The following DSE variants were observed in gnomAD, a reference collection of about 807,000 sequenced individuals.
The protein encoded by DSE is dermatan sulfate epimerase, also known as dermatan-sulfate epimerase.
A neutral mutation model predicts 84.4 loss-of-function variants in DSE; 36 were observed. That is an observed-to-expected ratio of 0.43 (90% CI 0.33 to 0.56). The LOEUF (loss-of-function observed/expected upper bound fraction) is 0.56, where lower values mean the gene tolerates loss of function less well. DSE is among the 20% of genes least tolerant of loss of function. The pLI, the probability that DSE is intolerant of heterozygous loss-of-function variation, is 0.06. For synonymous variants in DSE, 410 were observed against 430.1 expected, an observed-to-expected ratio of 0.95 and a Z score of 0.58; for missense variants, 862 against 1,169.6, an observed-to-expected ratio of 0.74 and a Z score of 3.84.
intron 2 of DSE, among the ~76,000 whole-genome samples, chr6:116,320,619 G>A (rs1019123510): frequency 8.6e-5 from 13 of 152,028 alleles, no homozygotes; most frequent in African/African-American, 2.9e-4. Context: ...TCTCACATCT[G>A]GAGGCTGGAA....
chr6:116,392,993 G>T (rs1781009521), intron 1 of DSE, among the ~76,000 whole-genome samples: 1 of 152,170 alleles, frequency 6.6e-6, no homozygotes, highest in Admixed American at 6.5e-5. Flanking sequence ...CCGCCTTGCA[G>T]TGGCAGCAGG....
At chr6:116,365,836 A>G (rs554374282), upstream of DSE, among the ~76,000 whole-genome samples, 42 of 152,300 alleles carry the variant, frequency 2.8e-4, no homozygotes, top group Non-Finnish European at 5.4e-4. Context: ...CTCCTCCTGA[A>G]GAGCACAGAA....
intron 2 of DSE, among the ~76,000 whole-genome samples, chr6:116,363,605 G>A (rs1779020191): frequency 6.6e-6 from 1 of 152,152 alleles, no homozygotes; most frequent in Non-Finnish European, 1.5e-5. Context: ...CAAGATGGGT[G>A]AAAGTTTATT....
intron 2 of DSE, among the ~76,000 whole-genome samples, chr6:116,349,693 C>T (rs927989395): frequency 1.3e-5 from 2 of 152,168 alleles, no homozygotes; most frequent in Non-Finnish European, 2.9e-5. Flanking sequence ...AGCTGCCTGT[C>T]CTCATGGCCT....
intron 2 of DSE, among the ~76,000 whole-genome samples, chr6:116,403,991 A>C (rs1239554117): frequency 6.6e-6 from 1 of 152,156 alleles, no homozygotes; most frequent in African/African-American, 2.4e-5. Context: ...GGTGGTGAAA[A>C]GGATGGATAT....
At position 116,351,012 on chromosome 6, in the gene DSE, G is replaced by T. The variant is rs996556663; in HGVS notation, c.-53-48186G>T. On this transcript the variant is annotated intron_variant, in intron 2 of 3. Transcript: ENST00000430252. Reference sequence around the variant, plus strand: ...ACATAGAACTTACAGTCTTAAAAAAGAATGTTCATTTGTTAAAAAGCTCCC... The same window carrying T: ...ACATAGAACTTACAGTCTTAAAAAATAATGTTCATTTGTTAAAAAGCTCCC... Among the ~76,000 whole-genome samples, 8 of 151,876 alleles carry T rather than the reference G, an allele frequency of 5.3e-5. No individual in the cohort carries two copies. In the East Asian group the frequency reaches 1.5e-3, roughly 29 times the overall value.
At chr6:116,277,305 A>G (rs893783393) in intron 2 of DSE, 6 of 152,666 alleles carry the variant, frequency 3.9e-5, no homozygotes, top group Admixed American at 3.9e-4. Flanking sequence ...CTCCCTGAAA[A>G]GTATTTTTCC....
At chr6:116,434,698 T>A (rs1046549544) in intron 5 of DSE, among the ~76,000 whole-genome samples, 1 of 152,160 alleles carries the variant, frequency 6.6e-6, no homozygotes, top group Non-Finnish European at 1.5e-5. Context: ...ACTTTTTAAA[T>A]CACATTAATT....
intron 2 of DSE, among the ~76,000 whole-genome samples, chr6:116,299,517 T>A (rs1449623192): frequency 5.0e-5 from 1 of 20,160 alleles, no homozygotes; most frequent in East Asian, 0.014. Flanking sequence ...TATATATATA[T>A]ATATATATAT....
chr6:116,365,421 T>C (rs1034892304), upstream of DSE, among the ~76,000 whole-genome samples: 1 of 151,992 alleles, frequency 6.6e-6, no homozygotes, highest in African/African-American at 2.4e-5. Flanking sequence ...GCCTGGCTAA[T>C]TTTTTGTATA....
chr6:116,263,153 G>T (rs1460688906), intron 2 of DSE, among the ~76,000 whole-genome samples: 2 of 152,112 alleles, frequency 1.3e-5, no homozygotes, highest in African/African-American at 4.8e-5. Flanking sequence ...CTGAGTTCAG[G>T]TCCTAAATAT....
chr6:116,254,276 T>C (rs1174077729), exon 1 of DSE: 5 of 668,356 alleles, frequency 7.5e-6, no homozygotes, highest in Non-Finnish European at 1.4e-5. Context: ...CGTAAATGGA[T>C]GTAGACCAGA....
chr6:116,278,366 T>C (rs940282758), intron 2 of DSE: 9 of 945,554 alleles, frequency 9.5e-6, no homozygotes, highest in East Asian at 7.8e-5. Context: ...AATCTTGAGG[T>C]TGAGAGAACT....
chr6:116,370,498 T>C (rs1455491865), upstream of DSE: 2 of 986,312 alleles, frequency 2.0e-6, no homozygotes, highest in South Asian at 9.3e-5. Context: ...CCAGTCCCGG[T>C]AGTAAGAGTC....
chr6:116,335,534 T>A (rs1160622608), intron 2 of DSE, among the ~76,000 whole-genome samples: 1 of 152,108 alleles, frequency 6.6e-6, no homozygotes, highest in Non-Finnish European at 1.5e-5. Flanking sequence ...AGTTAAATTT[T>A]AAAAAAAGAT....
intron 2 of DSE, among the ~76,000 whole-genome samples, chr6:116,331,732 G>A (rs900300352): frequency 2.0e-5 from 3 of 152,174 alleles, no homozygotes; most frequent in Non-Finnish European, 4.4e-5. Context: ...GCAGAGGCAA[G>A]CAGATCACGA....
At chr6:116,345,193 A>G (rs924257509) in intron 2 of DSE, among the ~76,000 whole-genome samples, 2 of 152,214 alleles carry the variant, frequency 1.3e-5, no homozygotes, top group Middle Eastern at 3.2e-3. Flanking sequence ...CCCACTGTCA[A>G]CATTCGACAG....
chr6:116,286,938 A>G (rs1191901958), intron 2 of DSE, among the ~76,000 whole-genome samples: 1 of 152,176 alleles, frequency 6.6e-6, no homozygotes, highest in Non-Finnish European at 1.5e-5. Context: ...TCTTACAAGC[A>G]CTGTCAGCCA....
chr6:116,296,343 G>T (rs1239448631), intron 2 of DSE, among the ~76,000 whole-genome samples: 1 of 152,076 alleles, frequency 6.6e-6, no homozygotes, highest in Non-Finnish European at 1.5e-5. Context: ...ATTCATGGTT[G>T]GTTAAATCTG....
Sources: gnomAD v4.1 joint callset for allele counts (sites outside exome capture counted in the v4.1 genomes callset) on GRCh38, gnomAD v4.1.1 for gene constraint, MANE v1.5 for transcripts, NCBI Gene and HGNC (gene_info 2026-07-23, HGNC 2026-07-21) for gene names.